The following ARHGAP18 variants were observed in gnomAD, a reference collection of about 807,000 sequenced individuals.
ARHGAP18 encodes the protein rho GTPase-activating protein 18.
ARHGAP18 carries 67 observed loss-of-function variants against 86.2 expected under a neutral mutation model. The observed-to-expected ratio is 0.78, with a 90% confidence interval of 0.64 to 0.95. The LOEUF (loss-of-function observed/expected upper bound fraction) is 0.95, where lower values mean the gene tolerates loss of function less well. Among genes scored for constraint, ARHGAP18 ranks in the 40% least tolerant of loss-of-function variants. ARHGAP18 has a pLI of 0.00. For missense variants in ARHGAP18, 691 were observed against 780.4 expected (o/e 0.89, Z 1.37); for synonymous variants, 283 against 280.4 (o/e 1.01, Z -0.09).
At chr6:129,644,318 A>T (rs560815662) in intron 1 of ARHGAP18, among the ~76,000 whole-genome samples, 1 of 152,290 alleles carries the variant, frequency 6.6e-6, no homozygotes, top group South Asian at 2.1e-4. Context: ...TTTTTCTTGT[A>T]GAGTTTTCAC....
At chr6:129,629,659 C>A (rs1464287962) in intron 4 of ARHGAP18, 137 bp from the exon 5 acceptor site, 1 of 890,952 alleles carries the variant, frequency 1.1e-6, no homozygotes. Flanking sequence ...TATTTTAATA[C>A]TAAAGAGTAT....
At chr6:129,605,796 A>G in intron 10 of ARHGAP18, 81 bp downstream of exon 10, 1 of 1,271,418 alleles carries the variant, frequency 7.9e-7, no homozygotes, top group South Asian at 1.2e-5. Flanking sequence ...CAAGATACAC[A>G]TCTTATTGTT....
At chr6:129,691,394 T>C (rs1456133213) in intron 1 of ARHGAP18, among the ~76,000 whole-genome samples, 2 of 152,230 alleles carry the variant, frequency 1.3e-5, no homozygotes, top group East Asian at 1.9e-4. Flanking sequence ...GAAAGATCTA[T>C]CTTAATCTAA....
chr6:129,709,696 C>T (rs1774870131), intron 1 of ARHGAP18, among the ~76,000 whole-genome samples: 1 of 152,234 alleles, frequency 6.6e-6, no homozygotes, highest in African/African-American at 2.4e-5. Context: ...AATTCCATTT[C>T]ATAGGAAAGG....
At chr6:129,585,210 T>A (rs183900213) in intron 12 of ARHGAP18, among the ~76,000 whole-genome samples, 23 of 152,056 alleles carry the variant, frequency 1.5e-4, no homozygotes, top group African/African-American at 5.1e-4. Flanking sequence ...GAGAATTGCT[T>A]GAACCCAGGA....
chr6:129,579,489 A>G (rs1442008116), intron 14 of ARHGAP18, among the ~76,000 whole-genome samples: 11 of 152,126 alleles, frequency 7.2e-5, no homozygotes. Context: ...CAAGAGTCAA[A>G]AAAGAAAAAA....
At chr6:129,633,945 G>A (rs1015313622) in intron 4 of ARHGAP18, 97 bp downstream of exon 4, 10 of 1,013,982 alleles carry the variant, frequency 9.9e-6, no homozygotes, top group Non-Finnish European at 1.4e-5. Flanking sequence ...AATAGAATTT[G>A]CTTACTAGAA....
chr6:129,590,569 T>A (rs1788488607), intron 12 of ARHGAP18, among the ~76,000 whole-genome samples: 1 of 152,150 alleles, frequency 6.6e-6, no homozygotes. Context: ...ATTTCCCACA[T>A]CCCTTTCCCT....
Position 129,597,058 on chromosome 6 carries a change from T to A in ARHGAP18, c.1713+2158A>T, listed in dbSNP as rs150984803. ...ACAGTATTTGAACTTAGCTTGCACC[T>A]CTACTTGTTCTGTAATTGCTTTGTG... On this transcript the variant is annotated intron_variant, in intron 12 of 14. Transcript: ENST00000368149. 2.3e-3 allele frequency among the ~76,000 whole-genome samples: 347 copies of A among 152,308 alleles called. 1 individual carries two copies. The highest frequency in any genetic ancestry group is 8.2e-3 in the African/African-American group (339 of 41,564).
rs1788175512 is a variant in ARHGAP18, at chr6:129,576,382, GC to G, written c.*2130del. ...AGGCTGAGGCAGGAGGTTTGCTTGA[GC>G]CCCAGTGCTTGAGGCTGCAGTTAGC... On this transcript the variant is annotated 3_prime_UTR_variant, in exon 15 of 15. Transcript: ENST00000368149. 1 of 152,160 alleles carries G rather than the reference GC, an allele frequency of 6.6e-6. No homozygotes were observed. Among genetic ancestry groups the G allele is most frequent in the Non-Finnish European group, 1.5e-5 (1 of 68,042 alleles). The allele number at this position is 152,160 out of a possible 1,614,324, so 9.4% of individuals were successfully genotyped here.
chr6:129,690,351 C>T (rs1163619620), intron 1 of ARHGAP18, among the ~76,000 whole-genome samples: 1 of 152,166 alleles, frequency 6.6e-6, no homozygotes, highest in Non-Finnish European at 1.5e-5. Context: ...CAATTAATAT[C>T]TGATGTGGCT....
In ARHGAP18 at chr6:129,625,677, A is replaced by ATATATATTTATATAT. The variant is rs1440357226; in HGVS notation, c.786+3661_786+3675dup. Among the ~76,000 whole-genome samples, 14 of 10,872 alleles carry ATATATATTTATATAT rather than the reference A, an allele frequency of 1.3e-3. 1 individual carries two copies. Among genetic ancestry groups the ATATATATTTATATAT allele is most frequent in the Admixed American group, 3.6e-3 (2 of 562 alleles). 7.1% of individuals were successfully genotyped at this position (10,872 alleles called of 152,430 possible). On this transcript the variant is annotated intron_variant, in intron 5 of 14. Transcript: ENST00000368149. ...ATATTATATATATTTATATTATATTATATATATTTATATATTATATATTTA... is the reference window on the plus strand; with the variant it reads ...ATATTATATATATTTATATTATATTATATATATTTATATATTATATATTTATATATTATATATTTA...
At chr6:129,690,989 A>G (rs1488526518) in intron 1 of ARHGAP18, among the ~76,000 whole-genome samples, 2 of 152,132 alleles carry the variant, frequency 1.3e-5, no homozygotes, top group South Asian at 2.1e-4. Flanking sequence ...CCCCATAACA[A>G]TTGTTTTGCA....
chr6:129,598,994 C>T (rs925291691), intron 12 of ARHGAP18: 12 of 339,608 alleles, frequency 3.5e-5, no homozygotes, highest in Non-Finnish European at 5.8e-5. Flanking sequence ...CTTTGTTCCC[C>T]ATTAACAACT....
In ARHGAP18 at chr6:129,638,455, T is replaced by C. The variant is rs750711613; in HGVS notation, c.491A>G (p.Lys164Arg). The part of the protein sequence containing the change: ...TVSQTLRKKN[K>R]QYQIPDVRDI... Reference sequence around the variant, plus strand: ...TCTGACGTCAGGAATCTGGTACTGTTTGTTTTTTTTCCTCAAGGTCTGGGA... The same window carrying C: ...TCTGACGTCAGGAATCTGGTACTGTCTGTTTTTTTTCCTCAAGGTCTGGGA... The change falls in exon 3 of 15, where the codon AAA becomes AGA. Residue 164 changes from lysine (K) to arginine (R), a missense_variant. Coordinates refer to ENST00000368149, the MANE Select transcript of ARHGAP18 (RefSeq NM_033515.3). 6.2e-7 allele frequency: 1 copy of C among 1,614,210 alleles called. No homozygotes were observed. Among genetic ancestry groups the C allele is most frequent in the East Asian group, 2.2e-5 (1 of 44,894 alleles).
chr6:129,607,839 A>G, intron 9 of ARHGAP18, 54 bp downstream of exon 9: 1 of 1,500,300 alleles, frequency 6.7e-7, no homozygotes, highest in Non-Finnish European at 8.9e-7. Flanking sequence ...CATTAAAACA[A>G]TTAACATAGA....
chr6:129,642,044 T>A, intron 1 of ARHGAP18, 26 bp from the exon 2 acceptor site: 1 of 1,601,346 alleles, frequency 6.2e-7, no homozygotes, highest in Non-Finnish European at 8.5e-7. Flanking sequence ...AACCCATGGT[T>A]TATTTTAGTA....
intron 12 of ARHGAP18, among the ~76,000 whole-genome samples, chr6:129,588,359 A>AC (rs779413672): frequency 3.6e-4 from 55 of 152,090 alleles, no homozygotes; most frequent in Middle Eastern, 3.4e-3. Flanking sequence ...CAAGTGATCC[A>AC]CCCGCCTTGG....
At chr6:129,709,898 G>A in intron 1 of ARHGAP18, 126 bp downstream of exon 1, 1 of 712,672 alleles carries the variant, frequency 1.4e-6, no homozygotes, top group Non-Finnish European at 2.4e-6. Flanking sequence ...CGTTGCTACT[G>A]CTGCTGCACG....
Sources: gnomAD v4.1 joint callset for allele counts (sites outside exome capture counted in the v4.1 genomes callset) on GRCh38, gnomAD v4.1.1 for gene constraint, MANE v1.5 for transcripts, NCBI Gene and HGNC (gene_info 2026-07-23, HGNC 2026-07-21) for gene names.